The following HSD17B11 variants were observed in gnomAD, a reference collection of about 807,000 sequenced individuals.
HSD17B11 encodes the protein hydroxysteroid 17-beta dehydrogenase 11.
A neutral mutation model predicts 27.8 loss-of-function variants in HSD17B11; 22 were observed. The observed-to-expected ratio is 0.79, with a 90% CI of 0.56 to 1.13. The LOEUF (loss-of-function observed/expected upper bound fraction) is 1.13, where lower values mean the gene tolerates loss of function less well. HSD17B11 is among the 50% of genes most tolerant of loss of function. The probability of loss-of-function intolerance (pLI) is 0.00; values close to 1 mark genes in which losing one functional copy is unlikely to be tolerated. For missense variants in HSD17B11, 314 were observed against 351.1 expected (o/e 0.89, Z 0.84); for synonymous variants, 117 against 132.8 (o/e 0.88, Z 0.82).
At chr4:87,367,651 T>C (rs544507039) in intron 4 of HSD17B11, among the ~76,000 whole-genome samples, 2 of 152,390 alleles carry the variant, frequency 1.3e-5, no homozygotes, top group African/African-American at 2.4e-5. Context: ...TCAAGAACTA[T>C]AGTATACTTG....
chr4:87,383,172 T>C (rs1241561303), intron 1 of HSD17B11, among the ~76,000 whole-genome samples: 1 of 152,144 alleles, frequency 6.6e-6, no homozygotes, highest in Non-Finnish European at 1.5e-5. Context: ...TGGAAACCAC[T>C]AGTAGGATTA....
chr4:87,366,296 T>C (rs570721567), intron 4 of HSD17B11, among the ~76,000 whole-genome samples: 1 of 152,322 alleles, frequency 6.6e-6, no homozygotes, highest in East Asian at 1.9e-4. Context: ...AGAGGACTTA[T>C]CTGCGCTTTC....
chr4:87,370,050 T>C (rs1301057214), intron 4 of HSD17B11, among the ~76,000 whole-genome samples: 1 of 152,316 alleles, frequency 6.6e-6, no homozygotes, highest in East Asian at 1.9e-4. Flanking sequence ...TTAAAATTTT[T>C]TTCCTAAGAT....
At chr4:87,345,805 C>T (rs893902538) in intron 5 of HSD17B11, among the ~76,000 whole-genome samples, 2 of 152,040 alleles carry the variant, frequency 1.3e-5, no homozygotes, top group African/African-American at 4.8e-5. Context: ...AATCAGCAAT[C>T]AAGAAACTTC....
chr4:87,340,707 A>G (rs1735150766), intron 5 of HSD17B11, 101 bp from the exon 6 acceptor site: 1 of 716,262 alleles, frequency 1.4e-6, no homozygotes, highest in Non-Finnish European at 2.4e-6. Context: ...ACACCATAAC[A>G]TAACTGATTT....
intron 4 of HSD17B11, among the ~76,000 whole-genome samples, chr4:87,371,920 C>T (rs114247003): frequency 0.014 from 2,074 of 152,116 alleles, 24 homozygotes; most frequent in South Asian, 0.044. Context: ...GCATGTTAGC[C>T]CAAATGGCAC....
chr4:87,366,718 T>C (rs1334796210), intron 4 of HSD17B11, among the ~76,000 whole-genome samples: 1 of 152,210 alleles, frequency 6.6e-6, no homozygotes, highest in Non-Finnish European at 1.5e-5. Flanking sequence ...ACAGTTGTTG[T>C]CTTGTTTTAA....
chr4:87,360,325 G>C (rs758311152), intron 4 of HSD17B11, among the ~76,000 whole-genome samples: 10 of 152,176 alleles, frequency 6.6e-5, no homozygotes, highest in Admixed American at 2.0e-4. Flanking sequence ...TTGGCAAAAG[G>C]TATCAAATTC....
intron 4 of HSD17B11, among the ~76,000 whole-genome samples, chr4:87,366,342 A>G (rs2110121938): frequency 6.6e-6 from 1 of 152,352 alleles, no homozygotes; most frequent in African/African-American, 2.4e-5. Context: ...GGTTTATAAA[A>G]TCTTACCTTA....
intron 2 of HSD17B11, among the ~76,000 whole-genome samples, chr4:87,375,728 C>T (rs1019022623): frequency 1.3e-5 from 2 of 152,270 alleles, no homozygotes; most frequent in East Asian, 3.9e-4. Context: ...GCAACAAAAG[C>T]AAAACTCCGT....
At chr4:87,378,339 T>C (rs1004919947) in intron 2 of HSD17B11, among the ~76,000 whole-genome samples, 25 of 152,154 alleles carry the variant, frequency 1.6e-4, no homozygotes, top group Non-Finnish European at 2.2e-4. Context: ...GTATTAATTT[T>C]GTTTTTAAAT....
chr4:87,383,534 G>A (rs1276277206), intron 1 of HSD17B11, among the ~76,000 whole-genome samples: 2 of 152,060 alleles, frequency 1.3e-5, no homozygotes, highest in African/African-American at 4.8e-5. Flanking sequence ...GGATGGGAAG[G>A]AGCCACATCT....
intron 6 of HSD17B11, among the ~76,000 whole-genome samples, chr4:87,339,403 G>C (rs1442549741): frequency 6.6e-6 from 1 of 152,148 alleles, no homozygotes; most frequent in Non-Finnish European, 1.5e-5. Context: ...ATAATCTCTG[G>C]ACCACTGTCT....
rs79409660 is a variant in HSD17B11 at position 87,364,143 on chromosome 4, T to TTTTTG, written c.558-6732_558-6728dup. 1.3e-4 allele frequency among the ~76,000 whole-genome samples: 19 copies of TTTTTG among 151,650 alleles called. No homozygotes were observed. In the East Asian group the frequency reaches 1.3e-3, roughly 11 times the overall value. On this transcript the variant is annotated intron_variant, in intron 4 of 6. Transcript: ENST00000358290. Reference sequence around the variant, plus strand: ...CTCAGTCAAGTGAATTATTTTTGTTTTTTTGTTTTGTTTTGTTTTGTTTTG... The same window carrying TTTTTG: ...CTCAGTCAAGTGAATTATTTTTGTTTTTTTGTTTTGTTTTGTTTTGTTTTGTTTTG...
chr4:87,345,441 A>C (rs1735252744), intron 5 of HSD17B11, among the ~76,000 whole-genome samples: 1 of 152,008 alleles, frequency 6.6e-6, no homozygotes, highest in Non-Finnish European at 1.5e-5. Flanking sequence ...AACCCAAAGC[A>C]AGCAGAAAAA....
Position 87,380,107 on chromosome 4 carries a change from T to C in HSD17B11, c.318+2148A>G, listed in dbSNP as rs577287920. The stretch of plus-strand genomic sequence containing the variant: ...GCCTGGGTAACAGAGCAAGACTCTG[T>C]CTCAAAAAAAAAAAACGTTCTGATA... On this transcript the variant is annotated intron_variant, in intron 2 of 6. Coordinates refer to ENST00000358290, the MANE Select transcript of HSD17B11 (RefSeq NM_016245.5). Among the ~76,000 whole-genome samples the C allele has an allele frequency of 4.2e-3, 562 of 132,326 alleles. 2 individuals are homozygous for C. Among genetic ancestry groups the C allele is most frequent in the Non-Finnish European group, 6.7e-3 (423 of 63,236 alleles). 86.8% of individuals were successfully genotyped at this position (132,326 alleles called of 152,430 possible). A position where few individuals can be genotyped will look rare whatever the true frequency, so the allele number is the denominator to read the frequency against.
chr4:87,374,903 T>TA (rs1374697965), intron 2 of HSD17B11, 73 bp from the exon 3 acceptor site: 2 of 1,185,100 alleles, frequency 1.7e-6, no homozygotes, highest in African/African-American at 3.2e-5. Context: ...ATGGCTATTT[T>TA]TTTTTTTTGA....
intron 2 of HSD17B11, among the ~76,000 whole-genome samples, chr4:87,376,971 AAC>A (rs1240448975): frequency 6.6e-6 from 1 of 151,908 alleles, no homozygotes; most frequent in Admixed American, 6.6e-5. Context: ...CTCTATTGAA[AAC>A]ACAAAAATTA....
chr4:87,345,652 A>G (rs1391558559), intron 5 of HSD17B11, among the ~76,000 whole-genome samples: 1 of 152,170 alleles, frequency 6.6e-6, no homozygotes, highest in Non-Finnish European at 1.5e-5. Context: ...ACAGAAATAA[A>G]TAAGATTATA....
Sources: allele counts gnomAD v4.1 joint callset (sites outside exome capture counted in the v4.1 genomes callset), GRCh38; gene constraint gnomAD v4.1.1; transcripts MANE v1.5; gene names NCBI Gene and HGNC (gene_info 2026-07-23, HGNC 2026-07-21).